The following MGAT4A variants were observed in gnomAD, a reference collection of about 807,000 sequenced individuals.
MGAT4A encodes N-acetylglucosaminyltransferase IVa.
A neutral mutation model predicts 74.1 loss-of-function variants in MGAT4A; 33 were observed. The ratio of observed to expected loss-of-function variants is 0.45; its 90% confidence interval spans 0.34 to 0.60. The LOEUF is 0.60. Among genes scored for constraint, MGAT4A ranks in the 20% least tolerant of loss-of-function variants. The probability of loss-of-function intolerance (pLI) is 0.02; values close to 1 mark genes in which losing one functional copy is unlikely to be tolerated. For missense variants in MGAT4A, 479 were observed against 628.3 expected (o/e 0.76, Z 2.54); for synonymous variants, 198 against 210.4 (o/e 0.94, Z 0.51).
In MGAT4A at chr2:98,625,272, T is replaced by G; in HGVS notation, c.*294A>C. The G allele has an allele frequency of 4.0e-6, 4 of 1,010,966 alleles. No homozygotes were observed. The highest frequency in any genetic ancestry group is 4.8e-6 in the Non-Finnish European group (4 of 825,404). The allele number at this position is 1,010,966 out of a possible 1,614,324, so 62.6% of individuals were successfully genotyped here. On this transcript the variant is annotated 3_prime_UTR_variant, in exon 16 of 16. Transcript: ENST00000393487. ...ATTAGTTTTTCTCAAATTTAAAGAA[T>G]GTAACAATATGTACAACTCTTATGT...
chr2:98,636,488 G>GGAAA, intron 13 of MGAT4A, 29 bp downstream of exon 13: 1 of 1,535,370 alleles, frequency 6.5e-7, no homozygotes, highest in Non-Finnish European at 9.0e-7. Context: ...TAGTTGTTAG[G>GGAAA]GAAAGGTAAG....
chr2:98,650,517 T>C (rs1344694204), intron 8 of MGAT4A, among the ~76,000 whole-genome samples: 1 of 152,046 alleles, frequency 6.6e-6, no homozygotes, highest in Non-Finnish European at 1.5e-5. Context: ...CAAGATAACG[T>C]CTATTAGATT....
At chr2:98,701,551 A>G (rs1331196262) in intron 2 of MGAT4A, among the ~76,000 whole-genome samples, 1 of 152,254 alleles carries the variant, frequency 6.6e-6, no homozygotes, top group Non-Finnish European at 1.5e-5. Context: ...TGAGCACAGC[A>G]CATGTACTGC....
chr2:98,720,158 GA>G (rs1702646331), intron 2 of MGAT4A, among the ~76,000 whole-genome samples: 1 of 152,202 alleles, frequency 6.6e-6, no homozygotes, highest in Non-Finnish European at 1.5e-5. Context: ...AGGACCTTGT[GA>G]TGGTTAATTT....
intron 4 of MGAT4A, among the ~76,000 whole-genome samples, chr2:98,668,741 G>A (rs1198799569): frequency 1.3e-5 from 2 of 152,224 alleles, no homozygotes; most frequent in Non-Finnish European, 2.9e-5. Flanking sequence ...TGGGAGGGAG[G>A]CTGTACCCCG....
chr2:98,718,195 G>A (rs896566587), intron 2 of MGAT4A, among the ~76,000 whole-genome samples: 3 of 130,076 alleles, frequency 2.3e-5, no homozygotes, highest in East Asian at 2.2e-4. Flanking sequence ...ACTCTTACAC[G>A]TGATGGCATG....
rs1701046398 is a variant in MGAT4A at position 98,620,487 on chromosome 2, C to G, written c.*5079G>C. On this transcript the variant is annotated 3_prime_UTR_variant, in exon 16 of 16. Transcript: ENST00000393487. ...GTCTCGTATCAAGGACATGGCAATACAGTAAAAATAAGCAGAAAAATTAAT... is the reference window on the plus strand; with the variant it reads ...GTCTCGTATCAAGGACATGGCAATAGAGTAAAAATAAGCAGAAAAATTAAT... 6.6e-6 allele frequency: 1 copy of G among 152,094 alleles called. No individual in the cohort carries two copies. The highest frequency in any genetic ancestry group is 2.4e-5 in the African/African-American group (1 of 41,414). The allele number at this position is 152,094 out of a possible 1,614,324, so 9.4% of individuals were successfully genotyped here. A position where few individuals can be genotyped will look rare whatever the true frequency, so the allele number is the denominator to read the frequency against.
At chr2:98,693,578 G>C (rs1233344496) in intron 2 of MGAT4A, among the ~76,000 whole-genome samples, 1 of 151,834 alleles carries the variant, frequency 6.6e-6, no homozygotes, top group South Asian at 2.1e-4. Context: ...GTGGTTGCAC[G>C]CATCTGTGGT....
chr2:98,724,736 G>A (rs191515633), intron 2 of MGAT4A, among the ~76,000 whole-genome samples: 1 of 152,014 alleles, frequency 6.6e-6, no homozygotes, highest in African/African-American at 2.4e-5. Context: ...AAGGCACAGT[G>A]AGAAGGGTCA....
chr2:98,635,411 C>A (rs1701305132), intron 13 of MGAT4A, 123 bp from the exon 14 acceptor site: 2 of 653,172 alleles, frequency 3.1e-6, no homozygotes, highest in Non-Finnish European at 5.0e-6. Context: ...AGAGAAATAT[C>A]ATCTCAGTCT....
chr2:98,683,771 TAA>T (rs1702094608), intron 2 of MGAT4A, among the ~76,000 whole-genome samples: 1 of 152,180 alleles, frequency 6.6e-6, no homozygotes, highest in Non-Finnish European at 1.5e-5. Flanking sequence ...GCCGCACCCC[TAA>T]TTCTAAAATG....
In MGAT4A at chr2:98,619,151, G is replaced by A. The variant is rs1701008526; in HGVS notation, c.*6415C>T. ...TTAGAAGGAATCTTGAATTCAACATGGCTTTTTAAACTTCTTTATTTCAAA... is the reference window on the plus strand; with the variant it reads ...TTAGAAGGAATCTTGAATTCAACATAGCTTTTTAAACTTCTTTATTTCAAA... On this transcript the variant is annotated 3_prime_UTR_variant, in exon 16 of 16. Coordinates refer to ENST00000393487, the MANE Select transcript of MGAT4A (RefSeq NM_012214.3). 6.6e-6 allele frequency: 1 copy of A among 152,466 alleles called. No individual in the cohort carries two copies. The highest frequency in any genetic ancestry group is 1.5e-5 in the Non-Finnish European group (1 of 68,004). 9.4% of individuals were successfully genotyped at this position (152,466 alleles called of 1,614,324 possible).
At chr2:98,721,725 G>A (rs1171814566) in intron 2 of MGAT4A, among the ~76,000 whole-genome samples, 2 of 151,892 alleles carry the variant, frequency 1.3e-5, no homozygotes, top group Admixed American at 1.3e-4. Flanking sequence ...TGATTCTGTT[G>A]AGAGACTACT....
intron 10 of MGAT4A, among the ~76,000 whole-genome samples, chr2:98,641,598 C>G (rs1189319169): frequency 6.7e-6 from 1 of 149,292 alleles, no homozygotes; most frequent in Non-Finnish European, 1.5e-5. Flanking sequence ...ATGGCGTGAA[C>G]ACGGGAGGCG....
At chr2:98,677,355 G>A (rs1030580902) in intron 3 of MGAT4A, among the ~76,000 whole-genome samples, 3 of 152,154 alleles carry the variant, frequency 2.0e-5, no homozygotes, top group Non-Finnish European at 2.9e-5. Flanking sequence ...ACATATACAC[G>A]AAAAATTAAA....
chr2:98,689,334 A>T (rs1702166462), intron 2 of MGAT4A, among the ~76,000 whole-genome samples: 1 of 152,210 alleles, frequency 6.6e-6, no homozygotes, highest in African/African-American at 2.4e-5. Flanking sequence ...TGTAGAAAGC[A>T]GGTAGTATCA....
At chr2:98,659,150 G>C (rs980278566) in intron 5 of MGAT4A, among the ~76,000 whole-genome samples, 1 of 152,130 alleles carries the variant, frequency 6.6e-6, no homozygotes, top group African/African-American at 2.4e-5. Flanking sequence ...TGGCTCCCAG[G>C]GGTCTAACAG....
intron 4 of MGAT4A, among the ~76,000 whole-genome samples, chr2:98,667,128 T>C (rs1363937965): frequency 5.3e-5 from 8 of 152,060 alleles, no homozygotes; most frequent in African/African-American, 1.9e-4. Context: ...ACATAAGATG[T>C]GACTTGCTCC....
intron 10 of MGAT4A, 106 bp from the exon 11 acceptor site, chr2:98,640,334 G>C: frequency 1.1e-6 from 1 of 920,074 alleles, no homozygotes; most frequent in East Asian, 2.7e-5. Flanking sequence ...GAAGGGCTGG[G>C]CGCGGTGGGT....
Sources: gnomAD v4.1 joint callset for allele counts (sites outside exome capture counted in the v4.1 genomes callset) on GRCh38, gnomAD v4.1.1 for gene constraint, MANE v1.5 for transcripts, NCBI Gene and HGNC (gene_info 2026-07-23, HGNC 2026-07-21) for gene names.